The following SNTB2 variants were observed in gnomAD, a reference collection of about 807,000 sequenced individuals.
SNTB2 encodes the protein syntrophin beta 2.
In SNTB2, 34 loss-of-function variants were observed where a neutral mutation model predicts 46.2. The ratio of observed to expected loss-of-function variants is 0.74; its 90% CI spans 0.56 to 0.98. The LOEUF is 0.98. Among genes scored for constraint, SNTB2 ranks in the 50% least tolerant of loss-of-function variants. SNTB2 has a pLI of 0.00. For missense variants in SNTB2, 603 were observed against 731.4 expected (o/e 0.82, Z 2.02); for synonymous variants, 290 against 312.6 (o/e 0.93, Z 0.76).
intron 1 of SNTB2, among the ~76,000 whole-genome samples, chr16:69,192,082 G>A (rs1037099993): frequency 6.6e-6 from 1 of 152,216 alleles, no homozygotes; most frequent in Non-Finnish European, 1.5e-5. Context: ...GAAGTGATGT[G>A]ATGGGAACAG....
At chr16:69,267,239 G>C (rs1964895675) in intron 3 of SNTB2, among the ~76,000 whole-genome samples, 1 of 152,110 alleles carries the variant, frequency 6.6e-6, no homozygotes, top group Non-Finnish European at 1.5e-5. Context: ...GGATGGTCTT[G>C]ATCTCCTGAT....
At chr16:69,292,356 A>ATATATATATAT (rs1965167855) in intron 5 of SNTB2, among the ~76,000 whole-genome samples, 1 of 29,326 alleles carries the variant, frequency 3.4e-5, no homozygotes, top group African/African-American at 2.0e-4. Context: ...CTTATTTTTT[A>ATATATATATAT]TATATATATA....
At chr16:69,254,528 A>G (rs1422235193) in intron 2 of SNTB2, among the ~76,000 whole-genome samples, 2 of 152,214 alleles carry the variant, frequency 1.3e-5, no homozygotes, top group African/African-American at 2.4e-5. Flanking sequence ...TACAACCCCA[A>G]AAGCACAATC....
At position 69,187,328 on chromosome 16, in the gene SNTB2, C is replaced by T. The variant is rs1258437153; in HGVS notation, c.162C>T (p.Ala54=). The T allele has an allele frequency of 6.9e-7, 1 of 1,448,736 alleles. No homozygotes were observed. The highest frequency in any genetic ancestry group is 9.1e-7 in the Non-Finnish European group (1 of 1,102,798). 89.7% of individuals were successfully genotyped at this position (1,448,736 alleles called of 1,614,324 possible). The change falls in exon 1 of 7, where the codon GCC becomes GCT. Residue 54 remains alanine, a synonymous_variant. Transcript: ENST00000336278. Reference sequence around the variant, plus strand: ...AGAGCCTGAGCCTGACGGGCGACGCCGCCGCGGCCGAGCTGGAGCCCGCTC... The same window carrying T: ...AGAGCCTGAGCCTGACGGGCGACGCTGCCGCGGCCGAGCTGGAGCCCGCTC... ...SGESLSLTGD[A]AAAELEPALG... is the part of the protein sequence containing the mutation.
At position 69,299,790 on chromosome 16, in the gene SNTB2, A is replaced by G; in HGVS notation, c.1530+16A>G. On this transcript the variant is annotated intron_variant, in intron 6 of 6. Transcript: ENST00000336278. ...GGGAGAACTGGTAAGAGTGTTTCTG[A>G]AACACATGTTTATCTAATAGATGTT... is the stretch of plus-strand genomic sequence containing the variant. 6.2e-7 allele frequency: 1 copy of G among 1,611,216 alleles called. No individual in the cohort carries two copies. Among genetic ancestry groups the G allele is most frequent in the Non-Finnish European group, 8.5e-7 (1 of 1,177,840 alleles).
At chr16:69,200,805 G>A (rs967433407) in intron 1 of SNTB2, among the ~76,000 whole-genome samples, 2 of 152,052 alleles carry the variant, frequency 1.3e-5, no homozygotes, top group African/African-American at 4.8e-5. Context: ...GTGAGCCACC[G>A]AGTCTGGCCC....
intron 4 of SNTB2, among the ~76,000 whole-genome samples, chr16:69,271,069 A>G (rs892907922): frequency 2.0e-5 from 3 of 152,258 alleles, no homozygotes; most frequent in African/African-American, 7.2e-5. Context: ...TTGAGGAGAC[A>G]AAGATTCATG....
intron 1 of SNTB2, among the ~76,000 whole-genome samples, chr16:69,189,456 AAC>A (rs1964027675): frequency 6.6e-6 from 1 of 152,326 alleles, no homozygotes; most frequent in South Asian, 2.1e-4. Flanking sequence ...TTAGAAAAAA[AAC>A]ACAAAAAACC....
intron 5 of SNTB2, among the ~76,000 whole-genome samples, chr16:69,285,759 G>T (rs1965096983): frequency 6.6e-6 from 1 of 150,900 alleles, no homozygotes; most frequent in African/African-American, 2.4e-5. Context: ...CCAAAGTGCT[G>T]GGATTCCAGG....
At chr16:69,272,109 AATAG>A (rs1467540174) in intron 4 of SNTB2, among the ~76,000 whole-genome samples, 1 of 152,228 alleles carries the variant, frequency 6.6e-6, no homozygotes, top group Non-Finnish European at 1.5e-5. Flanking sequence ...CAAGAGAAAA[AATAG>A]ATAAATTGGA....
chr16:69,198,368 C>G (rs1477322734), intron 1 of SNTB2, among the ~76,000 whole-genome samples: 1 of 152,128 alleles, frequency 6.6e-6, no homozygotes. Flanking sequence ...CTCGGCCTCC[C>G]AAAGTGCTGG....
chr16:69,284,493 T>G (rs1971549), intron 5 of SNTB2, among the ~76,000 whole-genome samples: 31,567 of 85,026 alleles, frequency 0.37, 4,809 homozygotes, highest in Middle Eastern at 0.46. Flanking sequence ...AAAAAAAAAA[T>G]CCGTGCACAG....
intron 5 of SNTB2, among the ~76,000 whole-genome samples, chr16:69,293,519 T>G (rs778034337): frequency 2.0e-5 from 3 of 152,154 alleles, no homozygotes; most frequent in Non-Finnish European, 2.9e-5. Flanking sequence ...AATGGCAGAT[T>G]GCAGAGGTCT....
At chr16:69,200,765 T>C (rs1442034002) in intron 1 of SNTB2, among the ~76,000 whole-genome samples, 1 of 152,216 alleles carries the variant, frequency 6.6e-6, no homozygotes, top group Non-Finnish European at 1.5e-5. Context: ...TCCTCCAGCC[T>C]TGGCTTCCCA....
At chr16:69,223,523 G>A (rs1057082194) in intron 1 of SNTB2, among the ~76,000 whole-genome samples, 2 of 151,734 alleles carry the variant, frequency 1.3e-5, no homozygotes, top group Admixed American at 6.6e-5. Flanking sequence ...TTAAACTACA[G>A]TCTCTTTATG....
chr16:69,191,726 C>T (rs1300495653), intron 1 of SNTB2, among the ~76,000 whole-genome samples: 5 of 151,848 alleles, frequency 3.3e-5, no homozygotes, highest in East Asian at 2.0e-4. Context: ...CTGCAAGCTC[C>T]GCCTACCGGG....
At chr16:69,245,926 G>C in intron 2 of SNTB2, 111 bp downstream of exon 2, 1 of 1,088,256 alleles carries the variant, frequency 9.2e-7, no homozygotes, top group East Asian at 2.4e-5. Context: ...ACATCTGTCT[G>C]AGGTGAGAGA....
chr16:69,234,571 T>C (rs1195685881), intron 1 of SNTB2, among the ~76,000 whole-genome samples: 1 of 152,202 alleles, frequency 6.6e-6, no homozygotes, highest in Non-Finnish European at 1.5e-5. Context: ...TCCAGTTTAA[T>C]TATCTGAAAG....
chr16:69,258,278 GCA>G (rs1399541101), intron 2 of SNTB2, among the ~76,000 whole-genome samples: 1 of 152,056 alleles, frequency 6.6e-6, no homozygotes, highest in African/African-American at 2.4e-5. Flanking sequence ...TATGTTCACA[GCA>G]GAGTATATAT....
Sources: gnomAD v4.1 joint callset for allele counts (sites outside exome capture counted in the v4.1 genomes callset) on GRCh38, gnomAD v4.1.1 for gene constraint, MANE v1.5 for transcripts, NCBI Gene and HGNC (gene_info 2026-07-23, HGNC 2026-07-21) for gene names.